Variants in RAB30 observed in about 807,000 individuals in gnomAD.
The protein encoded by RAB30 is ras-related protein Rab-30.
In RAB30, 9 loss-of-function variants were observed where a neutral mutation model predicts 25.1. That is an observed-to-expected ratio of 0.36 (90% confidence interval 0.22 to 0.63). RAB30 has a LOEUF of 0.63. RAB30 is among the 20% of genes least tolerant of loss of function. The pLI is 0.69. For synonymous variants in RAB30, 77 were observed against 86.4 expected, an observed-to-expected ratio of 0.89 and a Z score of 0.60; for missense variants, 140 against 243.5, an observed-to-expected ratio of 0.58 and a Z score of 2.83.
At chr11:82,993,984 T>C in intron 3 of RAB30, 55 bp downstream of exon 3, 1 of 1,362,806 alleles carries the variant, frequency 7.3e-7, no homozygotes, top group Non-Finnish European at 1.0e-6. Context: ...AAGCAGTACT[T>C]CCCCTAACCT....
chr11:83,020,058 C>T (rs756811340), intron 1 of RAB30, among the ~76,000 whole-genome samples: 2 of 152,264 alleles, frequency 1.3e-5, no homozygotes, highest in African/African-American at 2.4e-5. Flanking sequence ...GAGCTCCACC[C>T]CTTCTGAACT....
rs1856622477 is a variant in RAB30, at chr11:82,980,734, AT to A, written c.*1430del. On this transcript the variant is annotated 3_prime_UTR_variant, in exon 5 of 5. Transcript: ENST00000527633. ...ACACATATTCAGCAGCACATCTCCCATTTTGAGTCCTGTTTTTAAATTGGCT... is the reference window on the plus strand; with the variant it reads ...ACACATATTCAGCAGCACATCTCCCATTTGAGTCCTGTTTTTAAATTGGCT... 1 of 149,668 alleles carries A rather than the reference AT, an allele frequency of 6.7e-6. No homozygotes were observed. Among genetic ancestry groups the A allele is most frequent in the South Asian group, 2.2e-4 (1 of 4,566 alleles). The allele number at this position is 149,668 out of a possible 1,614,324, so 9.3% of individuals were successfully genotyped here. A position where few individuals can be genotyped will look rare whatever the true frequency, so the allele number is the denominator to read the frequency against.
intron 1 of RAB30, among the ~76,000 whole-genome samples, chr11:83,030,852 T>C (rs1439918191): frequency 6.6e-6 from 1 of 152,022 alleles, no homozygotes; most frequent in African/African-American, 2.4e-5. Flanking sequence ...CCCCACAAGT[T>C]CATACATATG....
intron 1 of RAB30, among the ~76,000 whole-genome samples, chr11:83,061,718 T>TC (rs1385168695): frequency 6.9e-6 from 1 of 144,112 alleles, no homozygotes; most frequent in Non-Finnish European, 1.5e-5. Flanking sequence ...TTCTTTTTTT[T>TC]TTTTTTTTTT....
intron 1 of RAB30, chr11:83,035,329 C>G (rs1857964567): frequency 6.6e-6 from 1 of 152,152 alleles, no homozygotes; most frequent in Admixed American, 6.5e-5. Context: ...TCCAGACTTG[C>G]CTTTCAATTC....
At chr11:82,999,188 A>C (rs555343538) in intron 1 of RAB30, among the ~76,000 whole-genome samples, 7 of 152,332 alleles carry the variant, frequency 4.6e-5, no homozygotes, top group African/African-American at 1.7e-4. Flanking sequence ...TGTTTCTACA[A>C]GTATATAAGG....
intron 1 of RAB30, among the ~76,000 whole-genome samples, chr11:83,048,462 C>A (rs1367790664): frequency 1.4e-5 from 2 of 140,146 alleles, no homozygotes; most frequent in Admixed American, 6.8e-5. Flanking sequence ...CAGTGAGACA[C>A]TGTCTCAAAA....
rs1353129446 is a variant in RAB30 at position 82,973,166 on chromosome 11, G to A, written c.*8999C>T. On this transcript the variant is annotated 3_prime_UTR_variant, in exon 5 of 5. Transcript: ENST00000527633. The stretch of plus-strand genomic sequence containing the variant: ...ACAGGAAATGTTTATTTATATACAA[G>A]TACATGGGAAAGCAATTTCCATTTA... 2.0e-5 allele frequency: 3 copies of A among 152,146 alleles called. No individual in the cohort carries two copies. The highest frequency in any genetic ancestry group is 7.2e-5 in the African/African-American group (3 of 41,428). The allele number at this position is 152,146 out of a possible 1,614,324, so 9.4% of individuals were successfully genotyped here.
At chr11:83,057,878 T>A (rs1034445309) in intron 1 of RAB30, among the ~76,000 whole-genome samples, 2 of 152,216 alleles carry the variant, frequency 1.3e-5, no homozygotes, top group African/African-American at 4.8e-5. Context: ...AGGCCAATTT[T>A]AATTTGGCTC....
At chr11:83,033,191 A>T (rs1857913910) in intron 1 of RAB30, among the ~76,000 whole-genome samples, 1 of 150,198 alleles carries the variant, frequency 6.7e-6, no homozygotes. Context: ...CAGCCTCCGG[A>T]GTAGCTAGGA....
In RAB30 at chr11:82,979,919, G is replaced by C. The variant is rs957345370; in HGVS notation, c.*2246C>G. 6.6e-6 allele frequency: 1 copy of C among 152,236 alleles called. No individual in the cohort carries two copies. The highest frequency in any genetic ancestry group is 6.5e-5 in the Admixed American group (1 of 15,296). The allele number at this position is 152,236 out of a possible 1,614,324, so 9.4% of individuals were successfully genotyped here. ...AAACCCTAGGGAATAATACAAGTGT[G>C]ACCCTAAAAGGTATTATTTTGCAAC... is the stretch of plus-strand genomic sequence containing the variant. On this transcript the variant is annotated 3_prime_UTR_variant, in exon 5 of 5. Transcript: ENST00000527633.
At chr11:83,003,886 AC>A (rs1857136711) in intron 1 of RAB30, among the ~76,000 whole-genome samples, 1 of 152,228 alleles carries the variant, frequency 6.6e-6, no homozygotes, top group African/African-American at 2.4e-5. Context: ...AGAACCGATT[AC>A]CAGAGACCCT....
At chr11:82,987,020 G>T (rs1036567718) in intron 4 of RAB30, 1 of 152,116 alleles carries the variant, frequency 6.6e-6, no homozygotes, top group Non-Finnish European at 1.5e-5. Context: ...CCATTTCAAT[G>T]CATATATCAG....
intron 1 of RAB30, among the ~76,000 whole-genome samples, chr11:83,030,928 A>G (rs1249735430): frequency 6.6e-6 from 1 of 152,264 alleles, no homozygotes; most frequent in Non-Finnish European, 1.5e-5. Flanking sequence ...GAGCCATTAA[A>G]GAGGTAATTA....
chr11:83,004,509 A>G (rs1364155622), intron 1 of RAB30, among the ~76,000 whole-genome samples: 1 of 152,186 alleles, frequency 6.6e-6, no homozygotes, highest in East Asian at 1.9e-4. Context: ...CATGAGAAAC[A>G]AGATATCCCT....
At position 83,045,584 on chromosome 11, in the gene RAB30, G is replaced by A. The variant is rs78440654; in HGVS notation, c.-9+26107C>T. ...AAACTGCAATAAACAGCCTTGCCAC[G>A]GTTAAGCACTTGAGCCTAGATCCTG... On this transcript the variant is annotated intron_variant, in intron 1 of 4. Coordinates refer to ENST00000527633, the MANE Select transcript of RAB30 (RefSeq NM_001286060.2). 1.6e-3 allele frequency among the ~76,000 whole-genome samples: 251 copies of A among 152,288 alleles called. 8 individuals carry two copies. The East Asian group carries it at 0.044, about 27-fold the overall frequency.
chr11:82,991,201 A>G (rs1488166136), intron 3 of RAB30, among the ~76,000 whole-genome samples: 1 of 152,198 alleles, frequency 6.6e-6, no homozygotes, highest in African/African-American at 2.4e-5. Flanking sequence ...TACTCAGTAA[A>G]TGTTAAAGAA....
chr11:83,064,010 C>T (rs1181317228), intron 1 of RAB30, among the ~76,000 whole-genome samples: 1 of 152,168 alleles, frequency 6.6e-6, no homozygotes, highest in Non-Finnish European at 1.5e-5. Context: ...CAGAAGAATA[C>T]ACATCAAAAT....
chr11:83,070,168 G>A (rs1346091510), intron 1 of RAB30, among the ~76,000 whole-genome samples: 1 of 152,168 alleles, frequency 6.6e-6, no homozygotes, highest in Non-Finnish European at 1.5e-5. Context: ...GTACAGGAGA[G>A]AAGGGTAGGG....
Sources: allele counts gnomAD v4.1 joint callset (sites outside exome capture counted in the v4.1 genomes callset), GRCh38; gene constraint gnomAD v4.1.1; transcripts MANE v1.5; gene names NCBI Gene and HGNC (gene_info 2026-07-23, HGNC 2026-07-21).